FLACC1: variants seen among roughly 807,000 people sequenced by gnomAD.
FLACC1 encodes flagellum associated containing coiled-coil domains 1.
A neutral mutation model predicts 62.8 loss-of-function variants in FLACC1; 66 were observed. The ratio of observed to expected loss-of-function variants is 1.05; its 90% confidence interval spans 0.86 to 1.29. The LOEUF (loss-of-function observed/expected upper bound fraction) is 1.29, where lower values mean the gene tolerates loss of function less well. Among genes scored for constraint, FLACC1 ranks in the 50% most tolerant of loss-of-function variants. FLACC1 has a pLI of 0.00. For synonymous variants in FLACC1, 156 were observed against 161.0 expected (o/e 0.97, Z 0.24); for missense variants, 452 against 489.1 (o/e 0.92, Z 0.71).
intron 9 of FLACC1, 113 bp from the exon 10 acceptor site, chr2:201,309,363 G>T (rs1176422387): frequency 6.5e-6 from 5 of 765,796 alleles, no homozygotes; most frequent in Non-Finnish European, 9.0e-6. Context: ...CAGTGGCCAG[G>T]GCCCATCACC....
intron 11 of FLACC1, among the ~76,000 whole-genome samples, chr2:201,304,488 T>C (rs2125555320): frequency 6.6e-6 from 1 of 152,212 alleles, no homozygotes; most frequent in South Asian, 2.1e-4. Flanking sequence ...ATCAATATCG[T>C]GAAAATGGCC....
At chr2:201,358,447 C>T (rs1382364726), upstream of FLACC1, among the ~76,000 whole-genome samples, 33 of 135,160 alleles carry the variant, frequency 2.4e-4, no homozygotes, top group African/African-American at 8.9e-4. Context: ...GACGGAGTCT[C>T]GCTCTGTCAC....
intron 7 of FLACC1, among the ~76,000 whole-genome samples, chr2:201,338,559 T>C (rs1034172224): frequency 3.9e-5 from 6 of 152,132 alleles, no homozygotes; most frequent in African/African-American, 1.4e-4. Flanking sequence ...GCCTTTGTTA[T>C]GTTGAGGTAT....
chr2:201,301,868 T>C (rs143486097), intron 11 of FLACC1, among the ~76,000 whole-genome samples: 12 of 152,304 alleles, frequency 7.9e-5, no homozygotes, highest in Middle Eastern at 3.4e-3. Context: ...TAAAATCCTT[T>C]ACAGAGAAGC....
chr2:201,351,424 T>A lies in FLACC1; in HGVS notation c.-20A>T, dbSNP rs769363456. ...GTACATGGCCAAAGGTCAGGGGGAG[T>A]CTTGGCTGCTAGATCAGGAGGCTCT... is the stretch of plus-strand genomic sequence containing the variant. On this transcript the variant is annotated 5_prime_UTR_variant, in exon 2 of 15. Transcript: ENST00000392257. The A allele has an allele frequency of 2.0e-5, 32 of 1,563,564 alleles. No individual in the cohort carries two copies. The highest frequency in any genetic ancestry group is 2.4e-5 in the Non-Finnish European group (27 of 1,136,234).
At chr2:201,359,447 TAGAG>T (rs1162992156), upstream of FLACC1, among the ~76,000 whole-genome samples, 1 of 152,146 alleles carries the variant, frequency 6.6e-6, no homozygotes, top group South Asian at 2.1e-4. Context: ...AGATCACATA[TAGAG>T]AGAGTATTGT....
chr2:201,300,180 G>C (rs577636167), intron 11 of FLACC1, among the ~76,000 whole-genome samples: 1 of 152,202 alleles, frequency 6.6e-6, no homozygotes, highest in Non-Finnish European at 1.5e-5. Context: ...CTAGCCAAGG[G>C]AAGCCGTGAC....
In FLACC1 at chr2:201,309,253, G is replaced by A. The variant is rs765703584; in HGVS notation, c.676-3C>T. 6.2e-7 allele frequency: 1 copy of A among 1,608,648 alleles called. No homozygotes were observed. The highest frequency in any genetic ancestry group is 8.5e-7 in the Non-Finnish European group (1 of 1,175,288). Reference sequence around the variant, plus strand: ...TCCATTTCATCATAAATACTGTCCTGGGGAGGTACAAAGGCACCATGAAGA... The same window carrying A: ...TCCATTTCATCATAAATACTGTCCTAGGGAGGTACAAAGGCACCATGAAGA... On this transcript the variant is annotated splice_region_variant and splice_polypyrimidine_tract_variant and intron_variant, in intron 9 of 14. Coordinates refer to ENST00000392257, the MANE Select transcript of FLACC1 (RefSeq NM_001127391.3).
At chr2:201,300,147 G>A (rs953766787) in intron 11 of FLACC1, among the ~76,000 whole-genome samples, 43 of 152,192 alleles carry the variant, frequency 2.8e-4, no homozygotes, top group African/African-American at 9.9e-4. Flanking sequence ...TGGGAAGCGC[G>A]AGGGGTCAGA....
chr2:201,306,227 A>T (rs1259239791), intron 11 of FLACC1, among the ~76,000 whole-genome samples: 1 of 152,152 alleles, frequency 6.6e-6, no homozygotes, highest in Non-Finnish European at 1.5e-5. Context: ...CATAGCTGGA[A>T]CAAAAGAAAG....
At chr2:201,309,394 T>C (rs1365755772) in intron 9 of FLACC1, 144 bp from the exon 10 acceptor site, 12 of 654,194 alleles carry the variant, frequency 1.8e-5, no homozygotes, top group Non-Finnish European at 3.2e-5. Flanking sequence ...CATCTTCCCT[T>C]ACCTGGGGCC....
intron 12 of FLACC1, among the ~76,000 whole-genome samples, chr2:201,291,973 A>G (rs1439629812): frequency 6.6e-6 from 1 of 152,098 alleles, no homozygotes. Context: ...AGAAGTTTAG[A>G]AAAAAAAGAA....
chr2:201,303,447 C>T (rs1389490998), intron 11 of FLACC1, among the ~76,000 whole-genome samples: 1 of 152,046 alleles, frequency 6.6e-6, no homozygotes, highest in Non-Finnish European at 1.5e-5. Context: ...AAAAGCCTAC[C>T]AACCAAAAAA....
chr2:201,349,019 C>T (rs1950973242), intron 3 of FLACC1, among the ~76,000 whole-genome samples: 1 of 152,232 alleles, frequency 6.6e-6, no homozygotes, highest in South Asian at 2.1e-4. Flanking sequence ...ATCTCTCCAA[C>T]TGAAGGTCAG....
upstream of FLACC1, among the ~76,000 whole-genome samples, chr2:201,361,001 C>A (rs1410773864): frequency 6.6e-6 from 1 of 152,062 alleles, no homozygotes; most frequent in African/African-American, 2.4e-5. Flanking sequence ...TTGTACAAAC[C>A]CAGGAGGCGG....
Position 201,289,585 on chromosome 2 carries a change from A to G in FLACC1, c.1033-19T>C. The G allele has an allele frequency of 6.2e-7, 1 of 1,613,646 alleles. No homozygotes were observed. The highest frequency in any genetic ancestry group is 8.5e-7 in the Non-Finnish European group (1 of 1,179,582). On this transcript the variant is annotated intron_variant, in intron 13 of 14. Transcript: ENST00000392257. ...TAGCTTTCTGAAAGACATACATTTT[A>G]ATAGCCATCTTCCCCAACCCAGAGC... is the stretch of plus-strand genomic sequence containing the variant.
intron 12 of FLACC1, among the ~76,000 whole-genome samples, chr2:201,296,873 C>T (rs554202840): frequency 2.0e-5 from 3 of 152,140 alleles, no homozygotes; most frequent in African/African-American, 7.2e-5. Flanking sequence ...TTACATTATG[C>T]TCCATGGGGA....
At chr2:201,362,451 G>C in the FLACC1 span, among the ~76,000 whole-genome samples, 1 of 152,076 alleles carries the variant, frequency 6.6e-6, no homozygotes, top group Non-Finnish European at 1.5e-5. Flanking sequence ...AAGGAAAATG[G>C]GAATCCACTA....
intron 9 of FLACC1, among the ~76,000 whole-genome samples, chr2:201,320,432 C>T (rs1422568549): frequency 6.6e-6 from 1 of 152,212 alleles, no homozygotes; most frequent in Non-Finnish European, 1.5e-5. Context: ...ACGTATATGA[C>T]TCGGGACAGT....
Sources: allele counts gnomAD v4.1 joint callset (sites outside exome capture counted in the v4.1 genomes callset), GRCh38; gene constraint gnomAD v4.1.1; transcripts MANE v1.5; gene names NCBI Gene and HGNC (gene_info 2026-07-23, HGNC 2026-07-21).